Variants in ANO10 observed in about 807,000 individuals in gnomAD.
The protein encoded by ANO10 is anoctamin-10.
Under a neutral mutation model 74.7 loss-of-function variants are expected in ANO10, and 77 were observed. The ratio of observed to expected loss-of-function variants is 1.03; its 90% CI spans 0.86 to 1.25. The LOEUF (loss-of-function observed/expected upper bound fraction) is 1.25. Ranked by LOEUF, ANO10 falls within the 50% of genes most tolerant of loss-of-function variation. ANO10 has a pLI of 0.00. For missense variants in ANO10, 721 were observed against 778.1 expected (o/e 0.93, Z 0.87); for synonymous variants, 279 against 284.9 (o/e 0.98, Z 0.21).
intron 10 of ANO10, among the ~76,000 whole-genome samples, chr3:43,554,905 T>C (rs2079662708): frequency 6.6e-6 from 1 of 152,146 alleles, no homozygotes; most frequent in South Asian, 2.1e-4. Context: ...GGAGTCTCAT[T>C]ACTGCCAGAT....
At chr3:43,552,709 T>C (rs1393052417) in intron 10 of ANO10, among the ~76,000 whole-genome samples, 1 of 128,806 alleles carries the variant, frequency 7.8e-6, no homozygotes, top group Non-Finnish European at 1.6e-5. Flanking sequence ...TATATATATA[T>C]ATATATATAT....
At chr3:43,597,915 C>T (rs562490941) in intron 4 of ANO10, among the ~76,000 whole-genome samples, 1 of 150,894 alleles carries the variant, frequency 6.6e-6, no homozygotes, top group South Asian at 2.1e-4. Context: ...AAGACTGTCT[C>T]AAAAAAACAA....
upstream of ANO10, among the ~76,000 whole-genome samples, chr3:43,623,620 C>G (rs558206960): frequency 6.6e-6 from 1 of 152,198 alleles, no homozygotes; most frequent in Non-Finnish European, 1.5e-5. Flanking sequence ...AACTGCAGTG[C>G]GGAGAAGGCT....
Position 43,576,909 on chromosome 3 carries a change from G to A in ANO10, c.945C>T (p.Tyr315=), listed in dbSNP as rs1336641956. The change falls in exon 6 of 13, where the codon TAC becomes TAT. Residue 315 remains tyrosine (Y), a synonymous_variant. Coordinates refer to ENST00000292246, the MANE Select transcript of ANO10 (RefSeq NM_018075.5). ...GGCACACGAATGGCAGGGAGACCAG[G>A]TAAATGCGCAACTGTCTCTTGTAGC... ...YPSYKRQLRI[Y]LVSLPFVCLC... 1 of 1,614,156 alleles carries A rather than the reference G, an allele frequency of 6.2e-7. No individual in the cohort carries two copies. Among genetic ancestry groups the A allele is most frequent in the South Asian group, 1.1e-5 (1 of 91,078 alleles).
chr3:43,560,110 A>T lies in ANO10; in HGVS notation c.1476+1110T>A, dbSNP rs142191941. Among the ~76,000 whole-genome samples the T allele has an allele frequency of 4.7e-3, 714 of 152,308 alleles. 5 individuals are homozygous for T. The highest frequency in any genetic ancestry group is 0.017 in the African/African-American group (686 of 41,556). Reference sequence around the variant, plus strand: ...GGAGCCAGGCTTGCTGAGCAAAACCAGGGGTTGGGACAATGCTCCCTGCCC... The same window carrying T: ...GGAGCCAGGCTTGCTGAGCAAAACCTGGGGTTGGGACAATGCTCCCTGCCC... On this transcript the variant is annotated intron_variant, in intron 9 of 12. Coordinates refer to ENST00000292246, the MANE Select transcript of ANO10 (RefSeq NM_018075.5).
chr3:43,477,827 G>GA (rs1303636698), intron 11 of ANO10, among the ~76,000 whole-genome samples: 1 of 152,092 alleles, frequency 6.6e-6, no homozygotes, highest in African/African-American at 2.4e-5. Context: ...ATTACGGGCA[G>GA]AAAAAAGAGC....
chr3:43,685,087 GAAA>G (rs1243422510), intron 1 of ANO10, among the ~76,000 whole-genome samples: 1 of 151,792 alleles, frequency 6.6e-6, no homozygotes, highest in Admixed American at 6.6e-5. Flanking sequence ...ATAATAAAGA[GAAA>G]AAAAATAAAG....
intron 9 of ANO10, among the ~76,000 whole-genome samples, chr3:43,560,108 C>G (rs1033156743): frequency 6.6e-6 from 1 of 152,148 alleles, no homozygotes; most frequent in African/African-American, 2.4e-5. Flanking sequence ...CTGAGCAAAA[C>G]CAGGGGTTGG....
chr3:43,544,796 T>TAAAAAA (rs556665373), intron 11 of ANO10, among the ~76,000 whole-genome samples: 39 of 110,898 alleles, frequency 3.5e-4, no homozygotes, highest in South Asian at 5.8e-4. Flanking sequence ...CTGTCTGAAA[T>TAAAAAA]AAAAAAAAAA....
chr3:43,592,925 A>G (rs1334841619), intron 4 of ANO10, among the ~76,000 whole-genome samples: 4 of 152,346 alleles, frequency 2.6e-5, no homozygotes, highest in Admixed American at 6.5e-5. Context: ...ATGACCTGAT[A>G]GAGCTGAAAA....
At chr3:43,425,390 G>A (rs184043962) in intron 12 of ANO10, among the ~76,000 whole-genome samples, 46 of 151,054 alleles carry the variant, frequency 3.0e-4, no homozygotes, top group Admixed American at 7.3e-4. Context: ...AAGTTCTTAC[G>A]AAATGTTGAA....
intron 4 of ANO10, among the ~76,000 whole-genome samples, chr3:43,586,300 TG>T (rs1205762930): frequency 1.3e-5 from 2 of 152,086 alleles, no homozygotes; most frequent in Non-Finnish European, 2.9e-5. Context: ...TGTGGAGCTG[TG>T]GGTCTTGGTG....
intron 1 of ANO10, among the ~76,000 whole-genome samples, chr3:43,671,153 T>G (rs2084054602): frequency 6.6e-6 from 1 of 152,194 alleles, no homozygotes; most frequent in Admixed American, 6.5e-5. Context: ...GAATTTTGAA[T>G]TCCTTGCAGG....
At chr3:43,381,190 C>T (rs1277791479) in intron 12 of ANO10, among the ~76,000 whole-genome samples, 2 of 152,120 alleles carry the variant, frequency 1.3e-5, no homozygotes, top group Non-Finnish European at 2.9e-5. Context: ...AAGATGAGAT[C>T]TGGGCCAGGA....
intron 11 of ANO10, among the ~76,000 whole-genome samples, chr3:43,530,875 T>A (rs1408258750): frequency 6.7e-6 from 1 of 149,394 alleles, no homozygotes; most frequent in African/African-American, 2.5e-5. Context: ...CTGGGACTAA[T>A]GTGTGTGTGT....
chr3:43,477,842 A>G (rs905708450), intron 11 of ANO10, among the ~76,000 whole-genome samples: 9 of 152,172 alleles, frequency 5.9e-5, no homozygotes, highest in Non-Finnish European at 5.9e-5. Flanking sequence ...AAGAGCCATT[A>G]TCACTTACAA....
At chr3:43,483,117 CATGG>C (rs1455295027) in intron 11 of ANO10, among the ~76,000 whole-genome samples, 1 of 152,206 alleles carries the variant, frequency 6.6e-6, no homozygotes, top group African/African-American at 2.4e-5. Flanking sequence ...TGCTCTGGGA[CATGG>C]ATGGATGGTC....
intron 12 of ANO10, among the ~76,000 whole-genome samples, chr3:43,383,304 A>T (rs2092022386): frequency 6.6e-6 from 1 of 152,030 alleles, no homozygotes; most frequent in Admixed American, 6.5e-5. Flanking sequence ...ATACAAAAAA[A>T]TTAGCTGGGC....
intron 11 of ANO10, among the ~76,000 whole-genome samples, chr3:43,524,796 TAC>T (rs2078117046): frequency 6.6e-6 from 1 of 152,200 alleles, no homozygotes; most frequent in African/African-American, 2.4e-5. Context: ...GCCAGAAACC[TAC>T]AGTCACTCAT....
Sources: allele counts gnomAD v4.1 joint callset (sites outside exome capture counted in the v4.1 genomes callset), GRCh38; gene constraint gnomAD v4.1.1; transcripts MANE v1.5; gene names NCBI Gene and HGNC (gene_info 2026-07-23, HGNC 2026-07-21).